Variants in NFKB1 observed in about 807,000 individuals in gnomAD.
The protein encoded by NFKB1 is nuclear factor NF-kappa-B p105 subunit.
Under a neutral mutation model 105.1 loss-of-function variants are expected in NFKB1, and 9 were observed. That is an observed-to-expected ratio of 0.09 (90% CI 0.05 to 0.15). NFKB1 has a LOEUF of 0.15. Among genes scored for constraint, NFKB1 ranks in the 10% least tolerant of loss-of-function variants. The pLI, the probability that NFKB1 is intolerant of heterozygous loss-of-function variation, is 1.00. For synonymous variants in NFKB1, 440 were observed against 442.2 expected, an observed-to-expected ratio of 1.00 and a Z score of 0.06; for missense variants, 830 against 1,203.7, an observed-to-expected ratio of 0.69 and a Z score of 4.59.
At chr4:102,594,019 T>C (rs991132355) in intron 12 of NFKB1, among the ~76,000 whole-genome samples, 7 of 152,206 alleles carry the variant, frequency 4.6e-5, no homozygotes, top group African/African-American at 1.7e-4. Flanking sequence ...TATGTATATG[T>C]TATAGTATAT....
At chr4:102,594,832 T>C (rs1392672573) in intron 12 of NFKB1, 60 bp from the exon 13 acceptor site, 3 of 1,217,940 alleles carry the variant, frequency 2.5e-6, no homozygotes, top group Non-Finnish European at 3.6e-6. Context: ...GACACTAAGT[T>C]GTGCTGAGTC....
chr4:102,616,487 C>G lies in NFKB1; in HGVS notation c.2803C>G (p.Arg935Gly). The G allele has an allele frequency of 6.2e-7, 1 of 1,614,128 alleles. No individual in the cohort carries two copies. The highest frequency in any genetic ancestry group is 1.1e-5 in the South Asian group (1 of 91,066). The change falls in exon 24 of 24, where the codon CGC becomes GGC. Residue 935 changes from arginine to glycine, a missense_variant. Physicochemically the swap from Arg to Gly is moderately radical, Grantham distance 125. Transcript: ENST00000226574. Reference sequence around the variant, plus strand: ...CGACAGCGGCGTGGAGACATCCTTCCGCAAACTCAGCTTTACCGAGTCTCT... The same window carrying G: ...CGACAGCGGCGTGGAGACATCCTTCGGCAAACTCAGCTTTACCGAGTCTCT... The part of the protein sequence containing the change: ...VCDSGVETSF[R>G]KLSFTESLTS...
At chr4:102,505,105 A>G (rs1320598939) in intron 1 of NFKB1, among the ~76,000 whole-genome samples, 1 of 152,152 alleles carries the variant, frequency 6.6e-6, no homozygotes, top group Non-Finnish European at 1.5e-5. Context: ...CCTGGGTGCA[A>G]ATTAATATAC....
chr4:102,509,532 G>C (rs1335581032), intron 1 of NFKB1, among the ~76,000 whole-genome samples: 1 of 152,188 alleles, frequency 6.6e-6, no homozygotes, highest in African/African-American at 2.4e-5. Flanking sequence ...AGTCATTCAA[G>C]GCAAGCTACA....
chr4:102,521,745 G>A (rs1410198883), intron 1 of NFKB1, among the ~76,000 whole-genome samples: 1 of 152,092 alleles, frequency 6.6e-6, no homozygotes, highest in East Asian at 1.9e-4. Context: ...TCACCAAGAA[G>A]CTCATGTGCT....
At chr4:102,593,770 T>A (rs1726372413) in intron 12 of NFKB1, among the ~76,000 whole-genome samples, 1 of 152,122 alleles carries the variant, frequency 6.6e-6, no homozygotes, top group South Asian at 2.1e-4. Flanking sequence ...TCAAAAGTCA[T>A]TAAGAAGAAA....
intron 5 of NFKB1, among the ~76,000 whole-genome samples, chr4:102,560,965 G>T (rs1370590459): frequency 6.6e-6 from 1 of 151,862 alleles, no homozygotes; most frequent in African/African-American, 2.4e-5. Context: ...ACTCAGAGAG[G>T]TTATTTAATC....
intron 5 of NFKB1, among the ~76,000 whole-genome samples, chr4:102,556,291 C>A (rs1454081128): frequency 6.6e-6 from 1 of 152,064 alleles, no homozygotes; most frequent in East Asian, 1.9e-4. Context: ...TTTGCACATG[C>A]TTAAAAAGAA....
Position 102,566,938 on chromosome 4 carries a change from T to C in NFKB1, c.259-49T>C, listed in dbSNP as rs559314417. The C allele has an allele frequency of 1.0e-4, 160 of 1,600,490 alleles. No homozygotes were observed. The South Asian group carries it at 1.7e-3, about 17-fold the overall frequency. ...GGCTTATCATAAACATGTTTCCATG[T>C]TGCTGGAGAGTCAGATATGCTAACT... is the stretch of plus-strand genomic sequence containing the variant. On this transcript the variant is annotated intron_variant, in intron 5 of 23. Coordinates refer to ENST00000226574, the MANE Select transcript of NFKB1 (RefSeq NM_003998.4).
intron 11 of NFKB1, 169 bp from the exon 12 acceptor site, chr4:102,593,256 A>G: frequency 1.5e-6 from 1 of 653,112 alleles, no homozygotes; most frequent in Middle Eastern, 4.5e-4. Context: ...CTTCATACCC[A>G]TTGGAATAAA....
At chr4:102,544,830 C>T (rs543194432) in intron 5 of NFKB1, among the ~76,000 whole-genome samples, 1 of 152,226 alleles carries the variant, frequency 6.6e-6, no homozygotes, top group South Asian at 2.1e-4. Flanking sequence ...GATATACACT[C>T]CTTGAATTTA....
chr4:102,611,252 C>T (rs1728381444), intron 20 of NFKB1, among the ~76,000 whole-genome samples: 1 of 152,188 alleles, frequency 6.6e-6, no homozygotes. Flanking sequence ...GCAAGATCTC[C>T]AACATGACAA....
chr4:102,575,645 A>T (rs1343758074), intron 6 of NFKB1, among the ~76,000 whole-genome samples: 3 of 152,120 alleles, frequency 2.0e-5, no homozygotes, highest in Non-Finnish European at 4.4e-5. Context: ...TTCATCATTC[A>T]TATGTTCATG....
chr4:102,576,411 G>A (rs899489036), intron 6 of NFKB1, among the ~76,000 whole-genome samples: 2 of 152,020 alleles, frequency 1.3e-5, no homozygotes, highest in Admixed American at 6.6e-5. Context: ...AAATGAACCC[G>A]GTAAGACTTC....
chr4:102,584,705 A>G lies in NFKB1; in HGVS notation c.951A>G (p.Pro317=), dbSNP rs373322154. ...AGTTTGCCATTGTCTTCAAAACTCC[A>G]AAGTATAAAGATATTAATATTACAA... ...HRQFAIVFKT[P]KYKDINITKP... is the part of the protein sequence containing the mutation. Residue 317 remains proline (P), a synonymous_variant, in exon 11 of 24, where the codon CCA becomes CCG. Coordinates refer to ENST00000226574, the MANE Select transcript of NFKB1 (RefSeq NM_003998.4). 9.4e-6 allele frequency: 15 copies of G among 1,602,842 alleles called. No individual in the cohort carries two copies. The highest frequency in any genetic ancestry group is 1.7e-4 in the Middle Eastern group (1 of 6,000).
At chr4:102,512,882 A>G (rs1347073479) in intron 1 of NFKB1, among the ~76,000 whole-genome samples, 1 of 152,200 alleles carries the variant, frequency 6.6e-6, no homozygotes, top group East Asian at 1.9e-4. Context: ...TAAAGGACAT[A>G]TTTTTATGGA....
chr4:102,589,167 T>C (rs1450298362), intron 11 of NFKB1, among the ~76,000 whole-genome samples: 1 of 152,184 alleles, frequency 6.6e-6, no homozygotes, highest in African/African-American at 2.4e-5. Context: ...ATACAGCCAA[T>C]AAATATCTCT....
At chr4:102,523,959 C>T (rs930522271) in intron 1 of NFKB1, among the ~76,000 whole-genome samples, 1 of 151,580 alleles carries the variant, frequency 6.6e-6, no homozygotes, top group African/African-American at 2.4e-5. Flanking sequence ...AAGGAGACAA[C>T]ATATTTTGAT....
At chr4:102,611,075 GTAA>G (rs1728365466) in intron 20 of NFKB1, among the ~76,000 whole-genome samples, 1 of 152,194 alleles carries the variant, frequency 6.6e-6, no homozygotes, top group Admixed American at 6.5e-5. Context: ...ATTTCAGGAT[GTAA>G]AAATAAACTA....
Sources: gnomAD v4.1 joint callset for allele counts (sites outside exome capture counted in the v4.1 genomes callset) on GRCh38, gnomAD v4.1.1 for gene constraint, MANE v1.5 for transcripts, NCBI Gene and HGNC (gene_info 2026-07-23, HGNC 2026-07-21) for gene names.